EBF1: variants seen among roughly 807,000 people sequenced by gnomAD.
EBF1 encodes EBF transcription factor 1.
EBF1 carries 10 observed loss-of-function variants against 68.4 expected under a neutral mutation model. The observed-to-expected ratio is 0.15, with a 90% CI of 0.09 to 0.25. The LOEUF (loss-of-function observed/expected upper bound fraction) is 0.25. EBF1 is among the 10% of genes least tolerant of loss of function. The pLI is 1.00. For synonymous variants in EBF1, 298 were observed against 299.8 expected (o/e 0.99, Z 0.06); for missense variants, 509 against 794.4 (o/e 0.64, Z 4.32).
intron 6 of EBF1, among the ~76,000 whole-genome samples, chr5:158,851,715 G>A (rs1315528130): frequency 2.0e-5 from 2 of 98,982 alleles, no homozygotes; most frequent in South Asian, 8.5e-4. Flanking sequence ...AGGGTAGAAG[G>A]GAAGGAAAGA....
At chr5:158,963,594 G>A (rs1753501545) in intron 6 of EBF1, among the ~76,000 whole-genome samples, 2 of 152,132 alleles carry the variant, frequency 1.3e-5, no homozygotes, top group Non-Finnish European at 2.9e-5. Flanking sequence ...CGACCCCAGG[G>A]ATCCTGTGCT....
At chr5:158,725,877 T>G (rs1762890733) in intron 11 of EBF1, among the ~76,000 whole-genome samples, 1 of 152,184 alleles carries the variant, frequency 6.6e-6, no homozygotes, top group Non-Finnish European at 1.5e-5. Context: ...CTGTGTGAAA[T>G]GACAAACATC....
intron 6 of EBF1, among the ~76,000 whole-genome samples, chr5:158,941,422 T>A (rs1813348681): frequency 6.6e-6 from 1 of 152,146 alleles, no homozygotes; most frequent in South Asian, 2.1e-4. Flanking sequence ...AAGGAAGATA[T>A]TCGTTCATCC....
At chr5:158,883,361 TAC>T (rs1242146663) in intron 6 of EBF1, among the ~76,000 whole-genome samples, 1 of 129,528 alleles carries the variant, frequency 7.7e-6, no homozygotes, top group Non-Finnish European at 1.7e-5. Flanking sequence ...TATATATATA[TAC>T]ACATACATAC....
At chr5:158,826,484 C>T (rs1786158592) in intron 7 of EBF1, among the ~76,000 whole-genome samples, 1 of 152,216 alleles carries the variant, frequency 6.6e-6, no homozygotes, top group South Asian at 2.1e-4. Context: ...TAGGATGGCA[C>T]TGCTCTAGAA....
chr5:158,811,380 T>C (rs12651861), intron 8 of EBF1, among the ~76,000 whole-genome samples: 9,572 of 152,224 alleles, frequency 0.063, 346 homozygotes, highest in East Asian at 0.15. Flanking sequence ...TGAAGTCCAA[T>C]GTGGAGGGGA....
intron 6 of EBF1, among the ~76,000 whole-genome samples, chr5:158,984,334 C>T (rs1008804649): frequency 5.9e-5 from 9 of 152,260 alleles, no homozygotes; most frequent in East Asian, 3.9e-4. Context: ...TCTTGTTCAA[C>T]GACCTGAGTT....
intron 11 of EBF1, among the ~76,000 whole-genome samples, chr5:158,730,064 G>T (rs1305396465): frequency 6.6e-6 from 1 of 152,262 alleles, no homozygotes; most frequent in East Asian, 1.9e-4. Flanking sequence ...GTTTTACACG[G>T]ATACATAAAC....
intron 9 of EBF1, among the ~76,000 whole-genome samples, chr5:158,780,375 C>T (rs1776199719): frequency 6.6e-6 from 1 of 152,214 alleles, no homozygotes; most frequent in South Asian, 2.1e-4. Flanking sequence ...GGCAGCCACT[C>T]AAAGCAACAG....
chr5:159,088,803 G>A (rs1008400361), intron 4 of EBF1, among the ~76,000 whole-genome samples: 7 of 151,964 alleles, frequency 4.6e-5, no homozygotes, highest in African/African-American at 1.7e-4. Flanking sequence ...TGGGTGGGAG[G>A]GGGAGAAAAA....
intron 6 of EBF1, among the ~76,000 whole-genome samples, chr5:158,843,369 A>G (rs980620926): frequency 2.6e-5 from 4 of 152,178 alleles, no homozygotes; most frequent in Non-Finnish European, 5.9e-5. Flanking sequence ...TATGCCAGGG[A>G]GAAACAGAAT....
intron 10 of EBF1, among the ~76,000 whole-genome samples, chr5:158,752,796 C>T (rs774483186): frequency 2.0e-5 from 3 of 151,912 alleles, no homozygotes; most frequent in South Asian, 4.2e-4. Context: ...ATAAGTTATC[C>T]GTGTCACATT....
chr5:158,841,653 T>G (rs1188621224), intron 6 of EBF1, among the ~76,000 whole-genome samples: 1 of 152,188 alleles, frequency 6.6e-6, no homozygotes, highest in Non-Finnish European at 1.5e-5. Context: ...TGTCTGTCAA[T>G]CATGTAACAC....
intron 8 of EBF1, 52 bp from the exon 9 acceptor site, chr5:158,796,527 C>G (rs745573073): frequency 1.3e-6 from 2 of 1,524,876 alleles, no homozygotes; most frequent in Non-Finnish European, 8.8e-7. Flanking sequence ...TAGAACCAAA[C>G]TTTAATGATG....
chr5:158,853,774 A>C (rs542126096), intron 6 of EBF1, among the ~76,000 whole-genome samples: 25 of 152,354 alleles, frequency 1.6e-4, no homozygotes, highest in East Asian at 1.2e-3. Context: ...ACACACTCAC[A>C]TACACATACA....
At chr5:159,044,956 A>G (rs996185282) in intron 6 of EBF1, among the ~76,000 whole-genome samples, 2 of 152,206 alleles carry the variant, frequency 1.3e-5, no homozygotes, top group Non-Finnish European at 2.9e-5. Context: ...CAAAGATTCA[A>G]AAGAAGGGGA....
intron 7 of EBF1, among the ~76,000 whole-genome samples, chr5:158,826,828 C>T (rs1174091243): frequency 1.3e-5 from 2 of 152,164 alleles, no homozygotes; most frequent in African/African-American, 4.8e-5. Flanking sequence ...AATTTCTTGG[C>T]TCATATCAGT....
At chr5:158,700,395 A>G (rs1171851056) in intron 15 of EBF1, among the ~76,000 whole-genome samples, 1 of 152,102 alleles carries the variant, frequency 6.6e-6, no homozygotes, top group African/African-American at 2.4e-5. Flanking sequence ...AGGCAGAGAG[A>G]GTCATTGCTT....
At position 158,889,273 on chromosome 5, in the gene EBF1, G is replaced by C. The variant is rs147315831; in HGVS notation, c.555-49163C>G. ...ATGGGGATGGCAAGTGGTGAGGATG[G>C]GGAGACAGTACTTGCAAGTGGGATA... On this transcript the variant is annotated intron_variant, in intron 6 of 15. Coordinates refer to ENST00000313708, the MANE Select transcript of EBF1 (RefSeq NM_024007.5). Among the ~76,000 whole-genome samples the C allele has an allele frequency of 4.7e-4, 72 of 152,288 alleles. 1 individual carries two copies. In the East Asian group the frequency reaches 0.013, roughly 26 times the overall value.
Sources: gnomAD v4.1 joint callset for allele counts (sites outside exome capture counted in the v4.1 genomes callset) on GRCh38, gnomAD v4.1.1 for gene constraint, MANE v1.5 for transcripts, NCBI Gene and HGNC (gene_info 2026-07-23, HGNC 2026-07-21) for gene names.